Variants in SEZ6L2 observed in about 807,000 individuals in gnomAD.
The protein encoded by SEZ6L2 is seizure 6-like protein 2.
SEZ6L2 carries 44 observed loss-of-function variants against 97.0 expected under a neutral mutation model. The observed-to-expected ratio is 0.45, with a 90% confidence interval of 0.36 to 0.58. The LOEUF (loss-of-function observed/expected upper bound fraction) is 0.58, where lower values mean the gene tolerates loss of function less well. SEZ6L2 is among the 20% of genes least tolerant of loss of function. The pLI is 0.00. For synonymous variants in SEZ6L2, 543 were observed against 546.1 expected (o/e 0.99, Z 0.08); for missense variants, 1,086 against 1,233.3 (o/e 0.88, Z 1.79).
Position 29,871,281 on chromosome 16 carries a change from CCTT to C in SEZ6L2, c.*415_*417del, listed in dbSNP as rs773319117. 75 of 253,116 alleles carry C rather than the reference CCTT, an allele frequency of 3.0e-4. No homozygotes were observed. The highest frequency in any genetic ancestry group is 5.2e-4 in the Non-Finnish European group (66 of 126,872). 15.7% of individuals were successfully genotyped at this position (253,116 alleles called of 1,614,324 possible). On this transcript the variant is annotated 3_prime_UTR_variant, in exon 18 of 18. Coordinates refer to ENST00000617533, the MANE Select transcript of SEZ6L2 (RefSeq NM_001243332.2). ...GCCTTGTCCCAGCTCTCCCCTTTGT[CCTT>C]CTTCTGACCCTCCTGGCCGGAGTCA... is the stretch of plus-strand genomic sequence containing the variant.
rs762585966 is a variant in SEZ6L2 at position 29,879,944 on chromosome 16, T to C, written c.1493A>G (p.Glu498Gly). 6.2e-7 allele frequency: 1 copy of C among 1,614,074 alleles called. No individual in the cohort carries two copies. The highest frequency in any genetic ancestry group is 8.5e-7 in the Non-Finnish European group (1 of 1,179,940). Reference sequence around the variant, plus strand: ...GATGGCATTGGGGGGCCCAGGGGGCTCCAGGGCATATCCTGGGAGGCACGA... The same window carrying C: ...GATGGCATTGGGGGGCCCAGGGGGCCCCAGGGCATATCCTGGGAGGCACGA... Reference protein sequence around the residue: ...TFSCLPGYALEPPGPPNAIEC... With the variant: ...TFSCLPGYALGPPGPPNAIEC... Residue 498 changes from glutamate to glycine, a missense_variant, in exon 9 of 18, where the codon GAG (glutamate) becomes GGG (glycine). By Grantham distance (98) the Glu-to-Gly change is moderately conservative. This residue lies in a region of SEZ6L2 where 776 missense variants were observed against 794.7 expected (regional missense o/e 0.98). Coordinates refer to ENST00000617533, the MANE Select transcript of SEZ6L2 (RefSeq NM_001243332.2).
intron 5 of SEZ6L2, among the ~76,000 whole-genome samples, chr16:29,890,272 T>C (rs1453507346): frequency 1.3e-5 from 2 of 152,124 alleles, no homozygotes; most frequent in Non-Finnish European, 2.9e-5. Flanking sequence ...TTTGGGAGGC[T>C]GAGGCGGGCG....
Position 29,876,584 on chromosome 16 carries a change from G to C in SEZ6L2, c.2104+172C>G, listed in dbSNP as rs183810729. 6.6e-6 allele frequency among the ~76,000 whole-genome samples: 1 copy of C among 152,130 alleles called. No homozygotes were observed. Among genetic ancestry groups the C allele is most frequent in the Admixed American group, 6.6e-5 (1 of 15,262 alleles). On this transcript the variant is annotated intron_variant, in intron 12 of 17. Coordinates refer to ENST00000617533, the MANE Select transcript of SEZ6L2 (RefSeq NM_001243332.2). The surrounding 1 kb of genome is among the most constrained non-coding windows in gnomAD (Gnocchi z 6.5). ...CAGAGGGGACAGTTTCGGGGAACCG[G>C]GCGGAGGAGTGAGAACTAAAGGGCA...
intron 12 of SEZ6L2, among the ~76,000 whole-genome samples, chr16:29,875,160 C>A (rs1046890181): frequency 3.3e-5 from 5 of 152,176 alleles, no homozygotes; most frequent in African/African-American, 1.2e-4. Flanking sequence ...CAGATGTGAG[C>A]CACCACACCT....
intron 5 of SEZ6L2, 71 bp downstream of exon 5, chr16:29,895,188 A>C: frequency 8.9e-7 from 1 of 1,120,400 alleles, no homozygotes; most frequent in Non-Finnish European, 1.3e-6. Context: ...CAAAAAAAAA[A>C]AAAAAAAAAA....
chr16:29,896,994 C>T lies in SEZ6L2; in HGVS notation c.339G>A (p.Arg113=), dbSNP rs769734970. 12 of 1,588,624 alleles carry T rather than the reference C, an allele frequency of 7.6e-6. 1 individual carries two copies. In the South Asian group the frequency reaches 7.9e-5, roughly 10 times the overall value. ...GTTCTGGCGCAGTGGGGCCTGCCCC[C>T]CTGACCCCGTTAGGGGTGACGGCTG... The part of the protein sequence containing the change: ...LTTAVTPNGV[R]GAGPTAPELL... The change falls in exon 3 of 18, where the codon AGG becomes AGA. Residue 113 remains arginine (R), a synonymous_variant. Coordinates refer to ENST00000617533, the MANE Select transcript of SEZ6L2 (RefSeq NM_001243332.2).
rs375082438 is a variant in SEZ6L2, at chr16:29,874,863, G to A, written c.2105-1134C>T. Among the ~76,000 whole-genome samples the A allele has an allele frequency of 2.1e-4, 31 of 150,922 alleles. No homozygotes were observed. The East Asian group carries it at 3.5e-3, about 17-fold the overall frequency. On this transcript the variant is annotated intron_variant, in intron 12 of 17. Transcript: ENST00000617533. ...TGGGATTACAGGTGTGAGCCACCACGGCTGGCCCCAAATATAATTCTTTGT... is the reference window on the plus strand; with the variant it reads ...TGGGATTACAGGTGTGAGCCACCACAGCTGGCCCCAAATATAATTCTTTGT...
Position 29,895,840 on chromosome 16 carries a change from A to G in SEZ6L2, c.532T>C (p.Ser178Pro), listed in dbSNP as rs564819820. The G allele has an allele frequency of 1.2e-6, 2 of 1,613,184 alleles. No homozygotes were observed. Among genetic ancestry groups the G allele is most frequent in the South Asian group, 1.1e-5 (1 of 90,906 alleles). ...TSPVLCNNNI[S>P]EGEGYVESPD... ...GACTCCACATACCCTTCGCCCTCGG[A>G]GATGTTGTTATTACACAGAACTGAG... is the stretch of plus-strand genomic sequence containing the variant. Residue 178 changes from serine to proline, a missense_variant, in exon 4 of 18, where the codon TCC becomes CCC. Transcript: ENST00000617533.
chr16:29,888,772 C>G, intron 5 of SEZ6L2, 47 bp from the exon 6 acceptor site: 1 of 1,515,400 alleles, frequency 6.6e-7, no homozygotes, highest in Non-Finnish European at 8.9e-7. Context: ...TCCCATGCCA[C>G]CCTCTCATAC....
At chr16:29,872,612 GCT>G in intron 15 of SEZ6L2, 86 bp from the exon 16 acceptor site, 2 of 1,598,112 alleles carry the variant, frequency 1.3e-6, no homozygotes, top group Non-Finnish European at 1.7e-6. Context: ...CAAACCCTGG[GCT>G]TCATCCCTCC....
intron 1 of SEZ6L2, among the ~76,000 whole-genome samples, chr16:29,898,371 C>T (rs1345329150): frequency 3.3e-5 from 5 of 152,104 alleles, no homozygotes; most frequent in East Asian, 3.9e-4. Context: ...CCCTTGCTTC[C>T]GCAGTGCCTG....
chr16:29,889,256 C>T (rs946602066), intron 5 of SEZ6L2, among the ~76,000 whole-genome samples: 2 of 152,072 alleles, frequency 1.3e-5, no homozygotes, highest in African/African-American at 2.4e-5. Flanking sequence ...GCCTGGCCAA[C>T]ATGGTAAAAC....
intron 2 of SEZ6L2, 55 bp from the exon 3 acceptor site, chr16:29,897,176 G>T (rs2068420727): frequency 7.1e-7 from 1 of 1,416,878 alleles, no homozygotes. Context: ...AGGACCTTGG[G>T]TGGGGAGCAG....
chr16:29,878,113 G>T (rs2067948698), intron 10 of SEZ6L2, among the ~76,000 whole-genome samples, 174 bp downstream of exon 10: 1 of 152,196 alleles, frequency 6.6e-6, no homozygotes, highest in Admixed American at 6.6e-5. Context: ...GCTAATATGT[G>T]ATTTGAGCCC....
chr16:29,887,742 G>A lies in SEZ6L2; in HGVS notation c.1115C>T (p.Pro372Leu), dbSNP rs1222012352. The A allele has an allele frequency of 2.5e-6, 4 of 1,613,568 alleles. No individual in the cohort carries two copies. The highest frequency in any genetic ancestry group is 1.1e-5 in the South Asian group (1 of 91,044). ...VSPEPGGAVG[P>L]NLTCRWVIEA... is the part of the protein sequence containing the mutation. ...AATGACCCAACGGCAGGTGAGGTTG[G>A]GCCCTACGGCTCCCCCAGGCTCTGG... The change falls in exon 7 of 18, where the codon CCC becomes CTC. Residue 372 changes from proline (P) to leucine (L), a missense_variant. By Grantham distance (98) the Pro-to-Leu change is moderately conservative (BLOSUM62 -3). Around this residue, in one of 2 missense-constraint regions of SEZ6L2, gnomAD observed 776 missense variants for 794.7 expected, o/e 0.98. Coordinates refer to ENST00000617533, the MANE Select transcript of SEZ6L2 (RefSeq NM_001243332.2).
chr16:29,898,277 C>A (rs1243926072), intron 1 of SEZ6L2, among the ~76,000 whole-genome samples: 1 of 152,210 alleles, frequency 6.6e-6, no homozygotes, highest in Non-Finnish European at 1.5e-5. Context: ...GCAGAGGGGT[C>A]GCCGGTGCTG....
chr16:29,883,292 CTCTTTCCTTT>C (rs1403448061), intron 8 of SEZ6L2, among the ~76,000 whole-genome samples: 1 of 151,948 alleles, frequency 6.6e-6, no homozygotes, highest in Admixed American at 6.6e-5. Context: ...CAAAGTTCCT[CTCTTTCCTTT>C]TCTTTTCTTT....
At position 29,877,444 on chromosome 16, in the gene SEZ6L2, A is replaced by G. The variant is rs145984619; in HGVS notation, c.1736T>C (p.Met579Thr). 1.9e-6 allele frequency: 3 copies of G among 1,603,604 alleles called. No homozygotes were observed. Among genetic ancestry groups the G allele is most frequent in the African/African-American group, 1.3e-5 (1 of 74,628 alleles). The change falls in exon 11 of 18, where the codon ATG becomes ACG. Residue 579 changes from methionine (M) to threonine (T), a missense_variant. By Grantham distance (81) the Met-to-Thr change is moderately conservative. Transcript: ENST00000617533. Reference sequence around the variant, plus strand: ...ACCGTCCCCGTCGAACAGCGTCAGCATGTCCCCTTCCCGCACATTCAATCT... The same window carrying G: ...ACCGTCCCCGTCGAACAGCGTCAGCGTGTCCCCTTCCCGCACATTCAATCT... ...VEILNVREGD[M>T]LTLFDGDGPS...
chr16:29,891,349 C>CCA (rs2150809271), intron 5 of SEZ6L2, among the ~76,000 whole-genome samples: 1 of 151,936 alleles, frequency 6.6e-6, no homozygotes, highest in South Asian at 2.1e-4. Flanking sequence ...CAGGCGTGAG[C>CCA]CACCATACCT....
Sources: allele counts gnomAD v4.1 joint callset (sites outside exome capture counted in the v4.1 genomes callset), GRCh38; gene constraint gnomAD v4.1.1; regional missense constraint gnomAD v4.1.1; non-coding constraint Gnocchi (gnomAD v3.1); transcripts MANE v1.5; gene names NCBI Gene and HGNC (gene_info 2026-07-23, HGNC 2026-07-21).